Variants in FTSJ1 observed in about 807,000 individuals in gnomAD.
FTSJ1 encodes FtsJ RNA 2'-O-methyltransferase 1, also known as tRNA (cytidine(32)/guanosine(34)-2'-O)-methyltransferase.
Under a neutral mutation model 28.5 loss-of-function variants are expected in FTSJ1, and 3 were observed. The ratio of observed to expected loss-of-function variants is 0.11; its 90% CI spans 0.05 to 0.27. FTSJ1 has a LOEUF of 0.27. Ranked by LOEUF, FTSJ1 falls within the 10% of genes least tolerant of loss-of-function variation. The probability of loss-of-function intolerance (pLI) is 1.00; values close to 1 mark genes in which losing one functional copy is unlikely to be tolerated. For synonymous variants in FTSJ1, 104 were observed against 113.9 expected (o/e 0.91, Z 0.55); for missense variants, 162 against 279.0 (o/e 0.58, Z 2.99).
chrX:48,484,172 C>T (rs1029950154), intron 12 of FTSJ1, among the ~76,000 whole-genome samples: 2 of 108,818 alleles, frequency 1.8e-5, no homozygotes, highest in African/African-American at 3.4e-5. Context: ...CAAGTTCAAG[C>T]GATTCTCCTG....
At position 48,482,627 on chromosome X, in the gene FTSJ1, C is replaced by T; in HGVS notation, c.790C>T (p.Pro264Ser). The change falls in exon 11 of 13, where the codon CCA becomes TCA. Residue 264 changes from proline (P) to serine (S), a missense_variant. Coordinates refer to ENST00000348411, the MANE Select transcript of FTSJ1 (RefSeq NM_012280.4). ...GGGCGGCTCAGAGTACAAGTACACT[C>T]CACCCACACAGCCCCCCATCTCGCC... is the stretch of plus-strand genomic sequence containing the variant. Reference protein sequence around the residue: ...LEGGSEYKYTPPTQPPISPPY... With the variant: ...LEGGSEYKYTSPTQPPISPPY... 1 of 1,203,147 alleles carries T rather than the reference C, an allele frequency of 8.3e-7. No individual in the cohort carries two copies. The highest frequency in any genetic ancestry group is 1.1e-6 in the Non-Finnish European group (1 of 890,843).
intron 4 of FTSJ1, 59 bp from the exon 5 acceptor site, chrX:48,478,979 C>A: frequency 1.1e-6 from 1 of 926,682 alleles, no homozygotes; most frequent in Non-Finnish European, 1.6e-6. Context: ...CATGGGCAGG[C>A]GGGATCTGAG....
intron 2 of FTSJ1, 82 bp downstream of exon 2, chrX:48,478,250 G>A: frequency 1.0e-6 from 1 of 993,029 alleles, no homozygotes; most frequent in African/African-American, 1.9e-5. Flanking sequence ...AGAGCTCCCT[G>A]TGGTAGGTGG....
chrX:48,476,471 G>A (rs2061532702), intron 1 of FTSJ1, 75 bp downstream of exon 1: 1 of 288,659 alleles, frequency 3.5e-6, no homozygotes, highest in South Asian at 2.3e-4. Flanking sequence ...CCGCCTGCGG[G>A]GAAAGGAGGG....
chrX:48,477,386 C>G (rs1309478218), intron 1 of FTSJ1, among the ~76,000 whole-genome samples: 1 of 111,294 alleles, frequency 9.0e-6, no homozygotes, highest in African/African-American at 3.3e-5. Flanking sequence ...AGCTAATAGA[C>G]CATGATTCTC....
At chrX:48,482,816 C>A in intron 11 of FTSJ1, 22 bp downstream of exon 11, 1 of 1,205,919 alleles carries the variant, frequency 8.3e-7, no homozygotes, top group Non-Finnish European at 1.1e-6. Context: ...TGACTCTCAG[C>A]CTGCCTTGAC....
At position 48,477,952 on chromosome X, in the gene FTSJ1, G is replaced by A. The variant is rs782048148; in HGVS notation, c.-87-9G>A. ...CAGTTTAGTTTGTGTGGTTCTCTCC[G>A]CCCTACAGAGGTAGGTGGTAGCCCA... is the stretch of plus-strand genomic sequence containing the variant. On this transcript the variant is annotated splice_polypyrimidine_tract_variant and intron_variant, in intron 1 of 12. Coordinates refer to ENST00000348411, the MANE Select transcript of FTSJ1 (RefSeq NM_012280.4). 1.0e-5 allele frequency: 12 copies of A among 1,163,156 alleles called. No individual in the cohort carries two copies. The highest frequency in any genetic ancestry group is 9.1e-5 in the Admixed American group (4 of 44,127).
chrX:48,477,620 G>C (rs990848551), intron 1 of FTSJ1, among the ~76,000 whole-genome samples: 1 of 111,228 alleles, frequency 9.0e-6, no homozygotes, highest in African/African-American at 3.3e-5. Flanking sequence ...GATTTTAATG[G>C]GCATGACATG....
In FTSJ1 at chrX:48,484,111, C is replaced by T. The variant is rs1213617668; in HGVS notation, c.*9+1084C>T. Reference sequence around the variant, plus strand: ...TTGAGACAGAGTCTTACTCTGTTACCCAGGCTGGAGTGCAGTGGCATGATC... The same window carrying T: ...TTGAGACAGAGTCTTACTCTGTTACTCAGGCTGGAGTGCAGTGGCATGATC... On this transcript the variant is annotated intron_variant, in intron 12 of 12. Coordinates refer to ENST00000348411, the MANE Select transcript of FTSJ1 (RefSeq NM_012280.4). Among the ~76,000 whole-genome samples the T allele has an allele frequency of 2.7e-5, 3 of 109,807 alleles. No homozygotes were observed. In the Admixed American group the frequency reaches 2.9e-4, roughly 11 times the overall value.
rs782651129 is a variant in FTSJ1, at chrX:48,480,095, G to A, written c.361+979G>A. Among the ~76,000 whole-genome samples, 3 of 110,623 alleles carry A rather than the reference G, an allele frequency of 2.7e-5. No individual in the cohort carries two copies. The South Asian group carries it at 1.2e-3, about 43-fold the overall frequency. ...GGAGGCGGAGGTTGCAGTGAGCTGA[G>A]ATCGCACCATTGCACTCCAGCCTGA... is the stretch of plus-strand genomic sequence containing the variant. On this transcript the variant is annotated intron_variant, in intron 5 of 12. Transcript: ENST00000348411.
chrX:48,478,002 G>A lies in FTSJ1; in HGVS notation c.-46G>A, dbSNP rs782131203. The A allele has an allele frequency of 1.1e-5, 13 of 1,208,386 alleles. No individual in the cohort carries two copies. Among genetic ancestry groups the A allele is most frequent in the African/African-American group, 8.7e-5 (5 of 57,152 alleles). On this transcript the variant is annotated 5_prime_UTR_variant, in exon 2 of 13. Transcript: ENST00000348411. ...ATTCATCTGGTTACTGATACTGGCCGGCATCAGTGGACTGTCGGCAGGTCC... is the reference window on the plus strand; with the variant it reads ...ATTCATCTGGTTACTGATACTGGCCAGCATCAGTGGACTGTCGGCAGGTCC...
Position 48,478,298 on chromosome X carries a change from G to A in FTSJ1, c.121+130G>A, listed in dbSNP as rs781783918. 2.8e-5 allele frequency: 24 copies of A among 847,870 alleles called. No homozygotes were observed. The African/African-American group carries it at 4.4e-4, about 16-fold the overall frequency. 69.9% of individuals were successfully genotyped at this position (847,870 alleles called of 1,213,427 possible). A position where few individuals can be genotyped will look rare whatever the true frequency, so the allele number is the denominator to read the frequency against. On this transcript the variant is annotated intron_variant, in intron 2 of 12. Coordinates refer to ENST00000348411, the MANE Select transcript of FTSJ1 (RefSeq NM_012280.4). ...GGTCTCTGGGGCAGGGAGACAGGCA[G>A]GAAGATAGGCAGAATACCGGAGAGG... is the stretch of plus-strand genomic sequence containing the variant.
intron 1 of FTSJ1, among the ~76,000 whole-genome samples, chrX:48,477,142 T>C (rs781802241): frequency 9.0e-6 from 1 of 110,999 alleles, no homozygotes; most frequent in African/African-American, 3.3e-5. Flanking sequence ...TTAACTTCTG[T>C]TGATACATAG....
chrX:48,478,244 C>T (rs2061545481), intron 2 of FTSJ1, 76 bp downstream of exon 2: 2 of 1,023,873 alleles, frequency 2.0e-6, no homozygotes, highest in South Asian at 4.0e-5. Flanking sequence ...GTCTGCAGAG[C>T]TCCCTGTGGT....
chrX:48,478,423 A>C (rs782040611), intron 2 of FTSJ1, 26 bp from the exon 3 acceptor site: 25 of 1,196,103 alleles, frequency 2.1e-5, no homozygotes, highest in Non-Finnish European at 2.8e-5. Context: ...GCAGCTGATC[A>C]GGATGCTTTC....
chrX:48,479,172 C>G, intron 5 of FTSJ1, 56 bp downstream of exon 5: 3 of 742,723 alleles, frequency 4.0e-6, no homozygotes, highest in South Asian at 2.1e-5. Context: ...GTGTCCTTCT[C>G]TGTATCTCCC....
rs1362064531 is a variant in FTSJ1, at chrX:48,478,021, C to T, written c.-27C>T. 2 of 1,209,583 alleles carry T rather than the reference C, an allele frequency of 1.7e-6. No homozygotes were observed. Among genetic ancestry groups the T allele is most frequent in the Non-Finnish European group, 2.2e-6 (2 of 894,880 alleles). On this transcript the variant is annotated 5_prime_UTR_variant, in exon 2 of 13. Coordinates refer to ENST00000348411, the MANE Select transcript of FTSJ1 (RefSeq NM_012280.4). ...CTGGCCGGCATCAGTGGACTGTCGG[C>T]AGGTCCTTGAGCAACTGGTGTGTGA...
chrX:48,478,013 A>C lies in FTSJ1; in HGVS notation c.-35A>C. 8.3e-7 allele frequency: 1 copy of C among 1,211,042 alleles called. No individual in the cohort carries two copies. The highest frequency in any genetic ancestry group is 1.7e-5 in the African/African-American group (1 of 57,751). On this transcript the variant is annotated 5_prime_UTR_variant, in exon 2 of 13. Transcript: ENST00000348411. Reference sequence around the variant, plus strand: ...TACTGATACTGGCCGGCATCAGTGGACTGTCGGCAGGTCCTTGAGCAACTG... The same window carrying C: ...TACTGATACTGGCCGGCATCAGTGGCCTGTCGGCAGGTCCTTGAGCAACTG...
At chrX:48,481,379 C>T (rs782590411) in intron 7 of FTSJ1, 37 bp downstream of exon 7, 5 of 1,195,192 alleles carry the variant, frequency 4.2e-6, no homozygotes, top group Non-Finnish European at 5.7e-6. Context: ...AGAGGGAGGT[C>T]GCTGAGGGCC....
Sources: gnomAD v4.1 joint callset for allele counts (sites outside exome capture counted in the v4.1 genomes callset) on GRCh38, gnomAD v4.1.1 for gene constraint, MANE v1.5 for transcripts, NCBI Gene and HGNC (gene_info 2026-07-23, HGNC 2026-07-21) for gene names.